The following FXR1 variants were observed in gnomAD, a reference collection of about 807,000 sequenced individuals.
FXR1 encodes FMR1 autosomal homolog 1, also known as RNA-binding protein FXR1.
Under a neutral mutation model 84.0 loss-of-function variants are expected in FXR1, and 15 were observed. The observed-to-expected ratio is 0.18, with a 90% CI of 0.12 to 0.27. FXR1 has a LOEUF of 0.27. FXR1 is among the 10% of genes least tolerant of loss of function. The probability of loss-of-function intolerance (pLI) is 1.00; values close to 1 mark genes in which losing one functional copy is unlikely to be tolerated. For synonymous variants in FXR1, 245 were observed against 250.7 expected, an observed-to-expected ratio of 0.98 and a Z score of 0.21; for missense variants, 480 against 774.4, an observed-to-expected ratio of 0.62 and a Z score of 4.51.
At chr3:180,950,369 C>A (rs1329623965) in intron 7 of FXR1, among the ~76,000 whole-genome samples, 1 of 152,146 alleles carries the variant, frequency 6.6e-6, no homozygotes, top group African/African-American at 2.4e-5. Flanking sequence ...AAAACAGTTT[C>A]TTTTCCCCAT....
intron 1 of FXR1, among the ~76,000 whole-genome samples, chr3:180,928,656 GATTT>G (rs1231805665): frequency 6.6e-6 from 1 of 151,932 alleles, no homozygotes; most frequent in Non-Finnish European, 1.5e-5. Context: ...ACACTTGTAG[GATTT>G]ATTTTTTGGT....
intron 13 of FXR1, among the ~76,000 whole-genome samples, chr3:180,965,001 G>A (rs1483220408): frequency 1.3e-5 from 2 of 151,600 alleles, no homozygotes; most frequent in South Asian, 2.1e-4. Context: ...TTAAAAACAC[G>A]ATGTCATTAT....
At position 180,951,279 on chromosome 3, in the gene FXR1, A is replaced by T; in HGVS notation, c.631-19A>T. 6.7e-7 allele frequency: 1 copy of T among 1,489,128 alleles called. No homozygotes were observed. Among genetic ancestry groups the T allele is most frequent in the South Asian group, 1.2e-5 (1 of 85,412 alleles). The allele number at this position is 1,489,128 out of a possible 1,614,324, so 92.2% of individuals were successfully genotyped here. ...TTGTATTTTGATCTTTTATATTACT[A>T]ATTTTCCTTTTTTATTAGTGCACAA... On this transcript the variant is annotated intron_variant, in intron 7 of 16. Coordinates refer to ENST00000357559, the MANE Select transcript of FXR1 (RefSeq NM_005087.4).
Position 180,957,878 on chromosome 3 carries a change from G to C in FXR1, c.940G>C (p.Val314Leu). 6.3e-7 allele frequency: 1 copy of C among 1,592,578 alleles called. No homozygotes were observed. The highest frequency in any genetic ancestry group is 8.6e-7 in the Non-Finnish European group (1 of 1,163,552). Residue 314 changes from valine (V) to leucine (L), a missense_variant, in exon 10 of 17, where the codon GTT (valine) becomes CTT (leucine). This residue lies in a region of FXR1 where 136 missense variants were observed against 315.4 expected (regional missense o/e 0.43). Coordinates refer to ENST00000357559, the MANE Select transcript of FXR1 (RefSeq NM_005087.4). ...AGAAATAGTGGACAAATCTGGTGTG[G>C]TTCGAGTGAGAATTGAAGGGGACAA... The part of the protein sequence containing the change: ...IQEIVDKSGV[V>L]RVRIEGDNEN...
intron 9 of FXR1, among the ~76,000 whole-genome samples, chr3:180,954,480 T>C (rs969370711): frequency 1.3e-5 from 2 of 152,248 alleles, no homozygotes; most frequent in African/African-American, 4.8e-5. Context: ...AAATGAGCAT[T>C]ATAGCTTGGA....
intron 13 of FXR1, among the ~76,000 whole-genome samples, chr3:180,964,673 TTA>T (rs10600370): frequency 0.41 from 56,305 of 135,960 alleles, 11,931 homozygotes; most frequent in African/African-American, 0.55. Context: ...TGTAGTTGAT[TTA>T]TATATATATA....
chr3:180,951,600 C>T (rs184718040), intron 8 of FXR1, 132 bp downstream of exon 8: 41 of 595,686 alleles, frequency 6.9e-5, no homozygotes, highest in Non-Finnish European at 7.4e-5. Flanking sequence ...ATCAGTCAGC[C>T]TAGTAGTCTT....
rs1434957076 is a variant in FXR1 at position 180,976,182 on chromosome 3, G to A, written c.1756G>A (p.Ala586Thr). Residue 586 changes from alanine to threonine, a missense_variant, in exon 17 of 17, where the codon GCT (alanine) becomes ACT (threonine). Around this residue, in one of 6 missense-constraint regions of FXR1, gnomAD observed 94 missense variants for 81.8 expected, o/e 1.15. Transcript: ENST00000357559. The part of the protein sequence containing the change: ...SEKAINGPTS[A>T]SGDDISKLQR... ...AAAGGCAATAAACGGCCCAACTAGT[G>A]CTTCTGGCGATGACATTTCTAAGCT... 1.2e-5 allele frequency: 20 copies of A among 1,613,108 alleles called. No individual in the cohort carries two copies. The highest frequency in any genetic ancestry group is 1.7e-5 in the Non-Finnish European group (20 of 1,179,274).
At chr3:180,974,438 C>T (rs554572598) in intron 15 of FXR1, among the ~76,000 whole-genome samples, 191 of 152,226 alleles carry the variant, frequency 1.3e-3, no homozygotes, top group African/African-American at 4.3e-3. Context: ...CCACCATGCC[C>T]GGCCCTAAGT....
At chr3:180,962,463 C>T (rs1198040936) in intron 11 of FXR1, among the ~76,000 whole-genome samples, 2 of 152,216 alleles carry the variant, frequency 1.3e-5, no homozygotes, top group Non-Finnish European at 2.9e-5. Flanking sequence ...CAACTCGTGT[C>T]ACTGCTTTGA....
rs1375220527 is a variant in FXR1 at position 180,975,385 on chromosome 3, C to T, written c.1676C>T (p.Ala559Val). Residue 559 changes from alanine to valine, a missense_variant, in exon 16 of 17, where the codon GCT (alanine) becomes GTT (valine). This residue lies in a region of FXR1 where 94 missense variants were observed against 81.8 expected (regional missense o/e 1.15). Transcript: ENST00000357559. The part of the protein sequence containing the change: ...RQRNLPRETL[A>V]KNKKEMAKDV... Reference sequence around the variant, plus strand: ...AGAAACCTCCCAAGGGAAACTTTGGCTAAAAACAAGAAAGAAATGGTAAGG... The same window carrying T: ...AGAAACCTCCCAAGGGAAACTTTGGTTAAAAACAAGAAAGAAATGGTAAGG... 6.8e-7 allele frequency: 1 copy of T among 1,470,888 alleles called. No homozygotes were observed. Among genetic ancestry groups the T allele is most frequent in the African/African-American group, 1.4e-5 (1 of 70,348 alleles). 91.1% of individuals were successfully genotyped at this position (1,470,888 alleles called of 1,614,324 possible). A position where few individuals can be genotyped will look rare whatever the true frequency, so the allele number is the denominator to read the frequency against.
intron 1 of FXR1, among the ~76,000 whole-genome samples, chr3:180,932,262 G>A (rs541675334): frequency 1.3e-5 from 2 of 152,080 alleles, no homozygotes; most frequent in South Asian, 4.1e-4. Context: ...TGTTTATATA[G>A]CTAGTGTGCC....
Position 180,976,115 on chromosome 3 carries a change from T to C in FXR1, c.1696-7T>C, listed in dbSNP as rs757308224. 2.1e-5 allele frequency: 33 copies of C among 1,596,194 alleles called. No homozygotes were observed. Among genetic ancestry groups the C allele is most frequent in the Non-Finnish European group, 2.8e-5 (33 of 1,173,922 alleles). On this transcript the variant is annotated splice_polypyrimidine_tract_variant and splice_region_variant and intron_variant, in intron 16 of 16. Transcript: ENST00000357559. The stretch of plus-strand genomic sequence containing the variant: ...AAGAAGTTGAAAAAGTTGTCTCCCT[T>C]TGGCAGGCAAAAGATGTGATTGAAG...
At chr3:180,975,201 T>C in intron 15 of FXR1, 112 bp from the exon 16 acceptor site, 1 of 435,078 alleles carries the variant, frequency 2.3e-6, no homozygotes, top group South Asian at 6.7e-5. Context: ...CTTAAGAAAA[T>C]TTTGACACTG....
intron 14 of FXR1, among the ~76,000 whole-genome samples, chr3:180,968,972 G>A (rs528489882): frequency 6.6e-6 from 1 of 152,058 alleles, no homozygotes; most frequent in African/African-American, 2.4e-5. Flanking sequence ...GGTATACCAC[G>A]TTAAGAAACC....
chr3:180,971,167 G>C (rs1268496587), intron 15 of FXR1: 1 of 1,108,724 alleles, frequency 9.0e-7, no homozygotes, highest in African/African-American at 1.6e-5. Context: ...TAACTTGAGT[G>C]GACCTGTGGA....
chr3:180,940,603 G>A (rs1721020551), intron 3 of FXR1, among the ~76,000 whole-genome samples: 1 of 124,256 alleles, frequency 8.0e-6, no homozygotes, highest in Non-Finnish European at 1.6e-5. Context: ...TTTGGAGATG[G>A]AGTTTCGGTC....
At position 180,947,848 on chromosome 3, in the gene FXR1, T is replaced by C; in HGVS notation, c.199-17T>C. 1 of 1,438,842 alleles carries C rather than the reference T, an allele frequency of 7.0e-7. No homozygotes were observed. Among genetic ancestry groups the C allele is most frequent in the Non-Finnish European group, 9.5e-7 (1 of 1,047,790 alleles). The allele number at this position is 1,438,842 out of a possible 1,614,324, so 89.1% of individuals were successfully genotyped here. A position where few individuals can be genotyped will look rare whatever the true frequency, so the allele number is the denominator to read the frequency against. On this transcript the variant is annotated splice_polypyrimidine_tract_variant and intron_variant, in intron 3 of 16. Coordinates refer to ENST00000357559, the MANE Select transcript of FXR1 (RefSeq NM_005087.4). ...CTTTTGGGATGAATGGATATAGGCATTTTTTTTTCTTCTCAGGTATATTCA... is the reference window on the plus strand; with the variant it reads ...CTTTTGGGATGAATGGATATAGGCACTTTTTTTTCTTCTCAGGTATATTCA...
At chr3:180,945,540 C>T (rs778918126) in intron 3 of FXR1, among the ~76,000 whole-genome samples, 2 of 152,164 alleles carry the variant, frequency 1.3e-5, no homozygotes, top group Non-Finnish European at 2.9e-5. Context: ...ATGTAGGTGG[C>T]ACCACAGGTG....
Sources: allele counts gnomAD v4.1 joint callset (sites outside exome capture counted in the v4.1 genomes callset), GRCh38; gene constraint gnomAD v4.1.1; regional missense constraint gnomAD v4.1.1; transcripts MANE v1.5; gene names NCBI Gene and HGNC (gene_info 2026-07-23, HGNC 2026-07-21).